DTNB: variants seen among roughly 807,000 people sequenced by gnomAD.
DTNB encodes DTN-B.
DTNB carries 63 observed loss-of-function variants against 90.7 expected under a neutral mutation model. The observed-to-expected ratio is 0.69, with a 90% CI of 0.57 to 0.86. The LOEUF is 0.86. Among genes scored for constraint, DTNB ranks in the 40% least tolerant of loss-of-function variants. The probability of loss-of-function intolerance (pLI) is 0.00; values close to 1 mark genes in which losing one functional copy is unlikely to be tolerated. For missense variants in DTNB, 744 were observed against 807.1 expected, an observed-to-expected ratio of 0.92 and a Z score of 0.95; for synonymous variants, 277 against 286.7, an observed-to-expected ratio of 0.97 and a Z score of 0.34.
intron 6 of DTNB, among the ~76,000 whole-genome samples, chr2:25,581,635 AAAGAT>A (rs1332891930): frequency 6.6e-6 from 1 of 152,248 alleles, no homozygotes; most frequent in African/African-American, 2.4e-5. Flanking sequence ...AGCAGTCTAG[AAAGAT>A]AAGATAGAAA....
chr2:25,495,469 A>G (rs895259891), intron 9 of DTNB, among the ~76,000 whole-genome samples: 59 of 152,310 alleles, frequency 3.9e-4, no homozygotes, highest in African/African-American at 1.4e-3. Flanking sequence ...AAAGAAAACC[A>G]GTTTTCTTAT....
intron 9 of DTNB, among the ~76,000 whole-genome samples, chr2:25,485,993 G>A (rs1196775315): frequency 1.3e-5 from 2 of 151,546 alleles, no homozygotes; most frequent in African/African-American, 4.9e-5. Context: ...GTGGTGGCGG[G>A]TGCCTGTAAT....
At chr2:25,634,924 G>A (rs933569125) in intron 3 of DTNB, among the ~76,000 whole-genome samples, 7 of 120,442 alleles carry the variant, frequency 5.8e-5, no homozygotes, top group African/African-American at 1.6e-4. Context: ...CACTGCGGAA[G>A]GCCGCAGGGT....
At chr2:25,446,848 T>G (rs1051070195) in intron 12 of DTNB, among the ~76,000 whole-genome samples, 6 of 152,220 alleles carry the variant, frequency 3.9e-5, no homozygotes, top group African/African-American at 1.4e-4. Flanking sequence ...CTATTTTCTT[T>G]TTTGGAATTC....
chr2:25,521,761 TC>T (rs2076177440), intron 9 of DTNB, among the ~76,000 whole-genome samples: 1 of 152,222 alleles, frequency 6.6e-6, no homozygotes, highest in Non-Finnish European at 1.5e-5. Flanking sequence ...TTATTTCTCT[TC>T]AAACATTTAA....
At chr2:25,448,435 A>T (rs1051404362) in intron 12 of DTNB, among the ~76,000 whole-genome samples, 31 of 152,268 alleles carry the variant, frequency 2.0e-4, no homozygotes, top group Admixed American at 8.5e-4. Context: ...ACATTTTATT[A>T]TGAATATTTC....
At chr2:25,505,235 T>C (rs891158277) in intron 9 of DTNB, among the ~76,000 whole-genome samples, 1 of 152,178 alleles carries the variant, frequency 6.6e-6, no homozygotes, top group African/African-American at 2.4e-5. Context: ...GAAGTACAGC[T>C]GACAATGACA....
intron 9 of DTNB, among the ~76,000 whole-genome samples, chr2:25,516,393 T>C (rs909656003): frequency 1.3e-5 from 2 of 152,062 alleles, no homozygotes; most frequent in African/African-American, 4.8e-5. Flanking sequence ...ACCACAGGCA[T>C]GCATCACCCC....
In DTNB at chr2:25,482,910, C is replaced by T; in HGVS notation, c.1002-37G>A. 2.6e-6 allele frequency: 4 copies of T among 1,563,246 alleles called. No individual in the cohort carries two copies. In the South Asian group the frequency reaches 4.7e-5, roughly 18 times the overall value. ...GACATTTACCTTATATTAATAATGA[C>T]CAACTAGGGGAAACAAGGGAAACGA... On this transcript the variant is annotated intron_variant, in intron 9 of 20. Coordinates refer to ENST00000406818, the MANE Select transcript of DTNB (RefSeq NM_021907.5).
chr2:25,474,562 CAT>C lies in DTNB; in HGVS notation c.1079+8232_1079+8233del, dbSNP rs375270395. Among the ~76,000 whole-genome samples, 189 of 152,260 alleles carry C rather than the reference CAT, an allele frequency of 1.2e-3. 1 individual carries two copies. Among genetic ancestry groups the C allele is most frequent in the South Asian group, 0.012 (59 of 4,810 alleles). ...GTCCTTGGTCTTAAAAAAACAAAAACATAGTGATTTTTGTCATTCTGCTATAT... is the reference window on the plus strand; with the variant it reads ...GTCCTTGGTCTTAAAAAAACAAAAACAGTGATTTTTGTCATTCTGCTATAT... On this transcript the variant is annotated intron_variant, in intron 10 of 20. Transcript: ENST00000406818.
At chr2:25,457,952 G>C (rs1331436093) in intron 10 of DTNB, among the ~76,000 whole-genome samples, 3 of 151,952 alleles carry the variant, frequency 2.0e-5, no homozygotes, top group Admixed American at 2.0e-4. Flanking sequence ...TCCTGCCTCA[G>C]CCTCCCAAGT....
At position 25,525,985 on chromosome 2, in the gene DTNB, A is replaced by G. The variant is rs551352726; in HGVS notation, c.1001+5488T>C. 5.1e-4 allele frequency among the ~76,000 whole-genome samples: 77 copies of G among 152,052 alleles called. No individual in the cohort carries two copies. In the South Asian group the frequency reaches 0.015, roughly 30 times the overall value. ...CCCAACACCACATTGCCAGATGACT[A>G]CTCCTTTCTAGGCCCACCAGGAAAC... is the stretch of plus-strand genomic sequence containing the variant. On this transcript the variant is annotated intron_variant, in intron 9 of 20. Coordinates refer to ENST00000406818, the MANE Select transcript of DTNB (RefSeq NM_021907.5).
intron 8 of DTNB, among the ~76,000 whole-genome samples, chr2:25,568,766 GGCACCTTT>G: frequency 6.6e-6 from 1 of 152,314 alleles, no homozygotes; most frequent in East Asian, 1.9e-4. Context: ...CCACCACACA[GGCACCTTT>G]GCAATGTGAC....
At chr2:25,439,372 G>A (rs1168215528) in intron 12 of DTNB, among the ~76,000 whole-genome samples, 2 of 151,924 alleles carry the variant, frequency 1.3e-5, no homozygotes, top group South Asian at 2.1e-4. Flanking sequence ...GCTTGGTGGC[G>A]CGTGCCTGTA....
intron 10 of DTNB, among the ~76,000 whole-genome samples, chr2:25,472,539 T>C (rs2062998001): frequency 6.6e-6 from 1 of 152,200 alleles, no homozygotes; most frequent in South Asian, 2.1e-4. Context: ...CTTGTAGAAC[T>C]GTGTGGCCAT....
intron 9 of DTNB, among the ~76,000 whole-genome samples, chr2:25,525,403 G>A (rs2076899498): frequency 6.6e-6 from 1 of 152,138 alleles, no homozygotes; most frequent in African/African-American, 2.4e-5. Context: ...CTAGGAGGCT[G>A]AGGCAGGTGG....
At chr2:25,386,957 G>A (rs1370020455) in intron 18 of DTNB, among the ~76,000 whole-genome samples, 3 of 152,236 alleles carry the variant, frequency 2.0e-5, no homozygotes, top group Non-Finnish European at 2.9e-5. Flanking sequence ...GGCCTAGGGA[G>A]AGAGCGGCTG....
chr2:25,388,418 G>C lies in DTNB; in HGVS notation c.1576-57C>G, dbSNP rs1238254732. On this transcript the variant is annotated intron_variant, in intron 16 of 20. Coordinates refer to ENST00000406818, the MANE Select transcript of DTNB (RefSeq NM_021907.5). The stretch of plus-strand genomic sequence containing the variant: ...TCAAGTACCTGACCTCTTTGAGGAA[G>C]GAAGAAAGTACTTTTTCTCCATCAA... The C allele has an allele frequency of 9.8e-6, 15 of 1,534,438 alleles. No homozygotes were observed. The Admixed American group carries it at 3.0e-4, about 31-fold the overall frequency.
chr2:25,546,835 CTTCTA>C (rs2082527435), intron 8 of DTNB, among the ~76,000 whole-genome samples: 1 of 151,748 alleles, frequency 6.6e-6, no homozygotes, highest in Non-Finnish European at 1.5e-5. Context: ...TAGGATAGAT[CTTCTA>C]TTCTTTTTTT....
Sources: gnomAD v4.1 joint callset for allele counts (sites outside exome capture counted in the v4.1 genomes callset) on GRCh38, gnomAD v4.1.1 for gene constraint, MANE v1.5 for transcripts, NCBI Gene and HGNC (gene_info 2026-07-23, HGNC 2026-07-21) for gene names.